Variants in CYP39A1 observed in about 807,000 individuals in gnomAD.
The protein encoded by CYP39A1 is cytochrome P450 family 39 subfamily A member 1.
Under a neutral mutation model 58.1 loss-of-function variants are expected in CYP39A1, and 49 were observed. The observed-to-expected ratio is 0.84, with a 90% CI of 0.67 to 1.07. The LOEUF (loss-of-function observed/expected upper bound fraction) is 1.07, where lower values mean the gene tolerates loss of function less well. CYP39A1 is among the 50% of genes least tolerant of loss of function. CYP39A1 has a pLI of 0.00. For missense variants in CYP39A1, 531 were observed against 539.4 expected (o/e 0.98, Z 0.16); for synonymous variants, 209 against 187.6 (o/e 1.11, Z -0.93).
At chr6:46,616,444 G>T (rs1582408829) in intron 7 of CYP39A1, among the ~76,000 whole-genome samples, 1 of 151,446 alleles carries the variant, frequency 6.6e-6, no homozygotes, top group East Asian at 2.0e-4. Context: ...TTAAGAGATG[G>T]AGCCTCATTA....
At chr6:46,598,398 C>T (rs1773297252) in intron 7 of CYP39A1, among the ~76,000 whole-genome samples, 7 of 152,104 alleles carry the variant, frequency 4.6e-5, no homozygotes, top group Admixed American at 3.9e-4. Flanking sequence ...AGATTACTAG[C>T]ACATGGCATA....
chr6:46,646,465 T>C (rs1762333430), intron 1 of CYP39A1, among the ~76,000 whole-genome samples: 1 of 152,100 alleles, frequency 6.6e-6, no homozygotes, highest in South Asian at 2.1e-4. Flanking sequence ...ATAAATTTTA[T>C]TTGCTGATAT....
rs561120002 is a variant in CYP39A1 at position 46,629,815 on chromosome 6, A to G, written c.840+1148T>C. On this transcript the variant is annotated intron_variant, in intron 6 of 11. Coordinates refer to ENST00000275016, the MANE Select transcript of CYP39A1 (RefSeq NM_016593.5). ...TTAAAAAGTTACCCTTTAATTTCAG[A>G]TAATATAAGTAGCATCTTAGGCTAA... 3.3e-5 allele frequency among the ~76,000 whole-genome samples: 5 copies of G among 152,352 alleles called. No homozygotes were observed. The South Asian group carries it at 1.0e-3, about 32-fold the overall frequency.
chr6:46,577,342 C>T (rs1377959652), intron 10 of CYP39A1, among the ~76,000 whole-genome samples: 2 of 152,072 alleles, frequency 1.3e-5, no homozygotes, highest in Non-Finnish European at 2.9e-5. Context: ...GTACATAGCC[C>T]ACTGACACTA....
At chr6:46,616,152 CT>C (rs1432009460) in intron 7 of CYP39A1, among the ~76,000 whole-genome samples, 29 of 7,594 alleles carry the variant, frequency 3.8e-3, no homozygotes, top group African/African-American at 5.6e-3. Context: ...TTCTTTCTTT[CT>C]TTCTTTCTTT....
Position 46,637,978 on chromosome 6 carries a change from T to C in CYP39A1, c.489A>G (p.Arg163=). The change falls in exon 4 of 12, where the codon AGA becomes AGG. Residue 163 remains arginine (R), a splice_region_variant and synonymous_variant. Coordinates refer to ENST00000275016, the MANE Select transcript of CYP39A1 (RefSeq NM_016593.5). Reference sequence around the variant, plus strand: ...TCACTGTGACTGGATAAAGGAGATGTCTACAAAGACAGAAACACACAAAAA... The same window carrying C: ...TCACTGTGACTGGATAAAGGAGATGCCTACAAAGACAGAAACACACAAAAA... ...HGTMDLNNLV[R]HLLYPVTVNM... The C allele has an allele frequency of 1.9e-6, 3 of 1,599,938 alleles. No homozygotes were observed. In the East Asian group the frequency reaches 6.7e-5, roughly 36 times the overall value.
intron 10 of CYP39A1, among the ~76,000 whole-genome samples, chr6:46,577,427 G>C (rs1041954411): frequency 2.0e-5 from 3 of 152,048 alleles, no homozygotes; most frequent in African/African-American, 7.2e-5. Context: ...TTCACATACT[G>C]ATATTAACCT....
intron 7 of CYP39A1, among the ~76,000 whole-genome samples, chr6:46,597,405 A>G (rs1311969937): frequency 6.6e-6 from 1 of 152,168 alleles, no homozygotes; most frequent in African/African-American, 2.4e-5. Flanking sequence ...GGTAGTTAAA[A>G]GCAGATAGGG....
intron 10 of CYP39A1, among the ~76,000 whole-genome samples, chr6:46,560,181 G>A (rs141082690): frequency 9.9e-5 from 15 of 152,284 alleles, no homozygotes; most frequent in Non-Finnish European, 2.2e-4. Context: ...CTAGTATTGA[G>A]ATGGGAAGCT....
intron 7 of CYP39A1, among the ~76,000 whole-genome samples, chr6:46,616,801 T>G (rs1774637917): frequency 6.6e-6 from 1 of 152,096 alleles, no homozygotes; most frequent in African/African-American, 2.4e-5. Context: ...AGGAATCAGA[T>G]GACAAAGAGT....
At chr6:46,645,178 T>C (rs1453139699) in intron 1 of CYP39A1, among the ~76,000 whole-genome samples, 3 of 152,216 alleles carry the variant, frequency 2.0e-5, no homozygotes, top group Non-Finnish European at 2.9e-5. Context: ...TTTTATGAAC[T>C]GTCCTTTTGG....
chr6:46,617,738 T>C (rs976255782), intron 7 of CYP39A1, among the ~76,000 whole-genome samples: 10 of 152,144 alleles, frequency 6.6e-5, no homozygotes, highest in Admixed American at 3.3e-4. Flanking sequence ...ACATTCCTCG[T>C]GCATAAAATA....
At chr6:46,639,044 C>T (rs1776165756) in intron 3 of CYP39A1, among the ~76,000 whole-genome samples, 1 of 152,198 alleles carries the variant, frequency 6.6e-6, no homozygotes, top group South Asian at 2.1e-4. Context: ...ACACAAACAT[C>T]TCCTGGACTT....
chr6:46,621,991 T>C (rs753388623), intron 7 of CYP39A1, among the ~76,000 whole-genome samples: 13 of 152,262 alleles, frequency 8.5e-5, no homozygotes, highest in East Asian at 3.9e-4. Context: ...CAGAAATGCA[T>C]GGATGCTTCA....
intron 10 of CYP39A1, among the ~76,000 whole-genome samples, chr6:46,567,855 G>A (rs1380331537): frequency 6.6e-6 from 1 of 152,096 alleles, no homozygotes; most frequent in African/African-American, 2.4e-5. Context: ...TTGAGAGAAA[G>A]TTCACTGGTG....
At chr6:46,610,311 T>G (rs1054326453) in intron 7 of CYP39A1, among the ~76,000 whole-genome samples, 3 of 152,204 alleles carry the variant, frequency 2.0e-5, no homozygotes, top group African/African-American at 7.2e-5. Flanking sequence ...AAATCTGGCC[T>G]TAATTAGGGT....
intron 10 of CYP39A1, among the ~76,000 whole-genome samples, chr6:46,580,696 A>C (rs948687996): frequency 6.6e-6 from 1 of 152,168 alleles, no homozygotes; most frequent in African/African-American, 2.4e-5. Flanking sequence ...AATAATATGA[A>C]CAGACATTTC....
chr6:46,579,296 T>A (rs1205505820), intron 10 of CYP39A1, among the ~76,000 whole-genome samples: 2 of 152,024 alleles, frequency 1.3e-5, no homozygotes, highest in African/African-American at 4.8e-5. Flanking sequence ...AGGCCTTCGA[T>A]AAAATTCCAC....
chr6:46,587,604 T>G (rs1213222395), intron 9 of CYP39A1, among the ~76,000 whole-genome samples: 1 of 152,178 alleles, frequency 6.6e-6, no homozygotes, highest in East Asian at 1.9e-4. Flanking sequence ...ACAGACTAAA[T>G]GACCTCTTAA....
Sources: gnomAD v4.1 joint callset for allele counts (sites outside exome capture counted in the v4.1 genomes callset) on GRCh38, gnomAD v4.1.1 for gene constraint, MANE v1.5 for transcripts, NCBI Gene and HGNC (gene_info 2026-07-23, HGNC 2026-07-21) for gene names.